TTF2: variants seen among roughly 807,000 people sequenced by gnomAD.
The protein encoded by TTF2 is RNA polymerase II termination factor.
In TTF2, 108 loss-of-function variants were observed where a neutral mutation model predicts 142.4. That is an observed-to-expected ratio of 0.76 (90% CI 0.65 to 0.89). The LOEUF (loss-of-function observed/expected upper bound fraction) is 0.89. Among genes scored for constraint, TTF2 ranks in the 40% least tolerant of loss-of-function variants. TTF2 has a pLI of 0.00. For synonymous variants in TTF2, 483 were observed against 506.2 expected (o/e 0.95, Z 0.61); for missense variants, 1,327 against 1,379.8 (o/e 0.96, Z 0.61).
chr1:117,071,702 A>G (rs1656592796), intron 3 of TTF2, among the ~76,000 whole-genome samples: 1 of 152,196 alleles, frequency 6.6e-6, no homozygotes, highest in African/African-American at 2.4e-5. Context: ...AATTACATAA[A>G]TCAGTTCTAT....
rs6690149 is a variant in TTF2, at chr1:117,099,204, G to T, written c.3344+297G>T. Among the ~76,000 whole-genome samples, 35,864 of 151,882 alleles carry T rather than the reference G, an allele frequency of 0.24. 4,763 individuals carry two copies. The highest frequency in any genetic ancestry group is 0.3 in the Non-Finnish European group (20,580 of 67,962). On this transcript the variant is annotated intron_variant, in intron 22 of 22. Coordinates refer to ENST00000369466, the MANE Select transcript of TTF2 (RefSeq NM_003594.4). The surrounding 1 kb of genome is among the most constrained non-coding windows in gnomAD (Gnocchi z 4.3). ...TAACTTTTATTTTGACATAATTTCAGACATACAGAAAACGTACAAGAATAG... is the reference window on the plus strand; with the variant it reads ...TAACTTTTATTTTGACATAATTTCATACATACAGAAAACGTACAAGAATAG...
intron 3 of TTF2, among the ~76,000 whole-genome samples, chr1:117,068,305 A>G (rs1176094723): frequency 6.6e-6 from 1 of 152,182 alleles, no homozygotes; most frequent in Non-Finnish European, 1.5e-5. Flanking sequence ...CAGAAAACCA[A>G]ACACCGCATG....
At position 117,075,138 on chromosome 1, in the gene TTF2, A is replaced by G. The variant is rs1476458838; in HGVS notation, c.554A>G (p.Lys185Arg). ...EKDLSSGLVP[K>R]KKQSVVQEKK... is the part of the protein sequence containing the mutation. Reference sequence around the variant, plus strand: ...GACCTCTCATCTGGCCTGGTACCAAAGAAAAAACAATCTGTAGTTCAAGAG... The same window carrying G: ...GACCTCTCATCTGGCCTGGTACCAAGGAAAAAACAATCTGTAGTTCAAGAG... Residue 185 changes from lysine (K) to arginine (R), a missense_variant, in exon 5 of 23, where the codon AAG (lysine) becomes AGG (arginine). Transcript: ENST00000369466. The surrounding 1 kb of genome is among the most constrained non-coding windows in gnomAD (Gnocchi z 4.5). 3 of 1,614,024 alleles carry G rather than the reference A, an allele frequency of 1.9e-6. No homozygotes were observed. Among genetic ancestry groups the G allele is most frequent in the Non-Finnish European group, 2.5e-6 (3 of 1,180,044 alleles).
intron 8 of TTF2, among the ~76,000 whole-genome samples, chr1:117,078,293 C>A (rs952481551): frequency 6.6e-6 from 1 of 152,140 alleles, no homozygotes; most frequent in African/African-American, 2.4e-5. Context: ...GTAGGTGCCA[C>A]AAGAATGTGA....
In TTF2 at chr1:117,086,247, A is replaced by G; in HGVS notation, c.2055-170A>G. On this transcript the variant is annotated intron_variant, in intron 11 of 22. Transcript: ENST00000369466. This position sits in a 1 kb window ranked among gnomAD's most constrained non-coding sequence, Gnocchi z 4.2. The stretch of plus-strand genomic sequence containing the variant: ...CAAGTGGGTAAAATTTACCTCCAAA[A>G]TGTGTGTGTGTGTGTGTGTGTGTGC... Among the ~76,000 whole-genome samples the G allele has an allele frequency of 6.7e-6, 1 of 148,890 alleles. No homozygotes were observed. Among genetic ancestry groups the G allele is most frequent in the African/African-American group, 2.5e-5 (1 of 40,746 alleles).
chr1:117,097,481 C>T lies in TTF2; in HGVS notation c.3269+48C>T. Reference sequence around the variant, plus strand: ...GGGTTGTCACAGCACATCAAGGAGGCCAGTGGGCTACAGGGGCAGCAAGAA... The same window carrying T: ...GGGTTGTCACAGCACATCAAGGAGGTCAGTGGGCTACAGGGGCAGCAAGAA... On this transcript the variant is annotated intron_variant, in intron 21 of 22. Coordinates refer to ENST00000369466, the MANE Select transcript of TTF2 (RefSeq NM_003594.4). The surrounding 1 kb of genome is among the most constrained non-coding windows in gnomAD (Gnocchi z 4.1). 6.4e-7 allele frequency: 1 copy of T among 1,555,996 alleles called. No homozygotes were observed. The highest frequency in any genetic ancestry group is 8.9e-7 in the Non-Finnish European group (1 of 1,126,978).
rs150442345 is a variant in TTF2, at chr1:117,101,479, C to T, written c.3444C>T (p.Val1148=). ...KQVLSGSGES[V]TKLTLADLRV... is the part of the protein sequence containing the mutation. ...TTCTATCAGGGTCTGGAGAATCTGT[C>T]ACCAAGCTCACCTTGGCTGACCTCA... is the stretch of plus-strand genomic sequence containing the variant. The change falls in exon 23 of 23, where the codon GTC becomes GTT. Residue 1148 remains valine (V), a synonymous_variant. Transcript: ENST00000369466. This position sits in a 1 kb window ranked among gnomAD's most constrained non-coding sequence, Gnocchi z 5.9. 2.6e-4 allele frequency: 412 copies of T among 1,606,864 alleles called. No individual in the cohort carries two copies. Among genetic ancestry groups the T allele is most frequent in the East Asian group, 2.5e-3 (111 of 44,780 alleles).
chr1:117,096,934 G>C (rs546707289), intron 20 of TTF2, among the ~76,000 whole-genome samples: 1 of 152,212 alleles, frequency 6.6e-6, no homozygotes, highest in East Asian at 1.9e-4. Flanking sequence ...AAGAACACAG[G>C]CATCTAATTA....
Position 117,097,374 on chromosome 1 carries a change from C to T in TTF2, c.3210C>T (p.Ala1070=), listed in dbSNP as rs35053456. 1.1e-3 allele frequency: 1,802 copies of T among 1,614,026 alleles called. 13 individuals carry two copies. In the African/African-American group the frequency reaches 0.019, roughly 17 times the overall value. The stretch of plus-strand genomic sequence containing the variant: ...AGGTAATGCTAATCTCTCTCTTGGC[C>T]GGAGGTGTTGGTCTAAACCTGACTG... ...GPQVMLISLL[A]GGVGLNLTGG... The change falls in exon 21 of 23, where the codon GCC becomes GCT. Residue 1070 remains alanine, a synonymous_variant. Transcript: ENST00000369466. The surrounding 1 kb of genome is among the most constrained non-coding windows in gnomAD (Gnocchi z 4.1).
At chr1:117,062,722 G>A (rs1655787300) in intron 3 of TTF2, among the ~76,000 whole-genome samples, 1 of 152,280 alleles carries the variant, frequency 6.6e-6, no homozygotes, top group East Asian at 1.9e-4. Context: ...CTGTCAGGTA[G>A]CCTATAATGA....
At chr1:117,065,536 A>G (rs566319470) in intron 3 of TTF2, among the ~76,000 whole-genome samples, 1 of 152,106 alleles carries the variant, frequency 6.6e-6, no homozygotes, top group Non-Finnish European at 1.5e-5. Context: ...GGCAGAGCTT[A>G]CAGTGAGCCG....
At chr1:117,094,502 C>A in intron 18 of TTF2, 1 of 443,020 alleles carries the variant, frequency 2.3e-6, no homozygotes, top group African/African-American at 2.0e-5. Context: ...TCAAGTGCAC[C>A]CTAAGGGTTC....
At chr1:117,069,998 A>G (rs1385934082) in intron 3 of TTF2, among the ~76,000 whole-genome samples, 2 of 152,236 alleles carry the variant, frequency 1.3e-5, no homozygotes, top group East Asian at 3.8e-4. Context: ...ATATATTTCC[A>G]CTGCATTCTT....
Position 117,075,730 on chromosome 1 carries a change from A to G in TTF2, c.1146A>G (p.Glu382=). The G allele has an allele frequency of 6.2e-7, 1 of 1,614,210 alleles. No individual in the cohort carries two copies. The highest frequency in any genetic ancestry group is 8.5e-7 in the Non-Finnish European group (1 of 1,180,036). Residue 382 remains glutamate (E), a synonymous_variant, in exon 5 of 23, where the codon GAA becomes GAG. Coordinates refer to ENST00000369466, the MANE Select transcript of TTF2 (RefSeq NM_003594.4). This position sits in a 1 kb window ranked among gnomAD's most constrained non-coding sequence, Gnocchi z 4.5. Reference sequence around the variant, plus strand: ...CGACTCTGGACTTAGAGACGAAGGAAAACCTCCAATTCCCTGATCGAAGTG... The same window carrying G: ...CGACTCTGGACTTAGAGACGAAGGAGAACCTCCAATTCCCTGATCGAAGTG... The part of the protein sequence containing the change: ...FDSTLDLETK[E]NLQFPDRSVQ...
chr1:117,091,904 T>C lies in TTF2; in HGVS notation c.2759T>C (p.Leu920Ser), dbSNP rs768856267. ...AGCACCGTCCACATACTGTCCCAGT[T>C]GCTGAGACTCCGCCAGTGTTGCTGT... is the stretch of plus-strand genomic sequence containing the variant. The part of the protein sequence containing the change: ...RSSTVHILSQ[L>S]LRLRQCCCHL... The change falls in exon 17 of 23, where the codon TTG (leucine) becomes TCG (serine). Residue 920 changes from leucine (L) to serine (S), a missense_variant. By Grantham distance (145) the Leu-to-Ser change is moderately radical. Transcript: ENST00000369466. 2 of 1,613,410 alleles carry C rather than the reference T, an allele frequency of 1.2e-6. No homozygotes were observed. Among genetic ancestry groups the C allele is most frequent in the Non-Finnish European group, 1.7e-6 (2 of 1,179,864 alleles).
chr1:117,105,302 G>C lies in TTF2; in HGVS notation c.*3778G>C, dbSNP rs1220270711. The C allele has an allele frequency of 6.6e-6, 1 of 152,154 alleles. No homozygotes were observed. The highest frequency in any genetic ancestry group is 1.5e-5 in the Non-Finnish European group (1 of 68,032). 9.4% of individuals were successfully genotyped at this position (152,154 alleles called of 1,614,324 possible). On this transcript the variant is annotated 3_prime_UTR_variant, in exon 23 of 23. Transcript: ENST00000369466. This position sits in a 1 kb window ranked among gnomAD's most constrained non-coding sequence, Gnocchi z 4.7. ...CGGATTTATAAGGCATTTCTTACTC[G>C]ACAGAATTGACTTCATGGAAGGTAT... is the stretch of plus-strand genomic sequence containing the variant.
In TTF2 at chr1:117,063,054, A is replaced by G. The variant is rs1646671130; in HGVS notation, c.218+581A>G. ...AAATTTGATTTGTTAATAGTTTAAC[A>G]TATCTTTAAACAGAGACTTTAGGCG... On this transcript the variant is annotated intron_variant, in intron 3 of 22. Coordinates refer to ENST00000369466, the MANE Select transcript of TTF2 (RefSeq NM_003594.4). The surrounding 1 kb of genome is among the most constrained non-coding windows in gnomAD (Gnocchi z 4.1). Among the ~76,000 whole-genome samples the G allele has an allele frequency of 6.6e-6, 1 of 152,182 alleles. No homozygotes were observed. Among genetic ancestry groups the G allele is most frequent in the South Asian group, 2.1e-4 (1 of 4,822 alleles).
rs545886931 is a variant in TTF2, at chr1:117,076,883, C to T, written c.1573+60C>T. The stretch of plus-strand genomic sequence containing the variant: ...CCACCCCTGTGAGTTACGTGCCACC[C>T]GGTACAGTAGTCACCTCTTATCCAC... On this transcript the variant is annotated intron_variant, in intron 7 of 22. Coordinates refer to ENST00000369466, the MANE Select transcript of TTF2 (RefSeq NM_003594.4). This position sits in a 1 kb window ranked among gnomAD's most constrained non-coding sequence, Gnocchi z 4.6. The T allele has an allele frequency of 6.4e-5, 95 of 1,494,932 alleles. No individual in the cohort carries two copies. Among genetic ancestry groups the T allele is most frequent in the Admixed American group, 2.0e-4 (10 of 49,928 alleles). The allele number at this position is 1,494,932 out of a possible 1,614,324, so 92.6% of individuals were successfully genotyped here.
rs571255934 is a variant in TTF2 at position 117,098,724 on chromosome 1, A to C, written c.3270-109A>C. ...AAATCCCTTTAAAACTGTAACAATA[A>C]TTTTTAGCTACAAAAACAAGCTGTG... On this transcript the variant is annotated intron_variant, in intron 21 of 22. Transcript: ENST00000369466. 621 of 906,474 alleles carry C rather than the reference A, an allele frequency of 6.9e-4. 5 individuals are homozygous for C. In the South Asian group the frequency reaches 0.01, roughly 15 times the overall value. The allele number at this position is 906,474 out of a possible 1,614,324, so 56.2% of individuals were successfully genotyped here.
Sources: allele counts gnomAD v4.1 joint callset (sites outside exome capture counted in the v4.1 genomes callset), GRCh38; gene constraint gnomAD v4.1.1; non-coding constraint Gnocchi (gnomAD v3.1); transcripts MANE v1.5; gene names NCBI Gene and HGNC (gene_info 2026-07-23, HGNC 2026-07-21).